Variants in ZSCAN4 observed in about 807,000 individuals in gnomAD.
ZSCAN4 encodes the protein zinc finger and SCAN domain containing 4.
A neutral mutation model predicts 18.3 loss-of-function variants in ZSCAN4; 18 were observed. The ratio of observed to expected loss-of-function variants is 0.98; its 90% CI spans 0.68 to 1.46. ZSCAN4 has a LOEUF of 1.46. ZSCAN4 is among the 40% of genes most tolerant of loss of function. The pLI is 0.00. For missense variants in ZSCAN4, 498 were observed against 511.4 expected, an observed-to-expected ratio of 0.97 and a Z score of 0.25; for synonymous variants, 193 against 180.3, an observed-to-expected ratio of 1.07 and a Z score of -0.57.
the ZSCAN4 span, among the ~76,000 whole-genome samples, chr19:57,663,925 G>A: frequency 6.6e-6 from 1 of 152,044 alleles, no homozygotes; most frequent in Non-Finnish European, 1.5e-5. Context: ...TCAAGAGTTC[G>A]AGACCAGCCT....
the ZSCAN4 span, among the ~76,000 whole-genome samples, chr19:57,663,255 C>CAAA: frequency 6.9e-3 from 1,027 of 147,952 alleles, 12 homozygotes; most frequent in African/African-American, 0.022. Context: ...AGACCTGAGG[C>CAAA]AAAAAAAAAT....
chr19:57,655,486 T>C, the ZSCAN4 span, among the ~76,000 whole-genome samples: 30 of 152,126 alleles, frequency 2.0e-4, no homozygotes, highest in Non-Finnish European at 3.4e-4. Context: ...AACTCAGTCA[T>C]CTAAGGTTGG....
At chr19:57,653,840 T>C in the ZSCAN4 span, among the ~76,000 whole-genome samples, 1 of 152,110 alleles carries the variant, frequency 6.6e-6, no homozygotes, top group African/African-American at 2.4e-5. Context: ...CCATCTGTGG[T>C]ATCAAGGGAC....
the ZSCAN4 span, among the ~76,000 whole-genome samples, chr19:57,659,498 G>A: frequency 1.3e-5 from 2 of 152,144 alleles, no homozygotes; most frequent in Non-Finnish European, 2.9e-5. Flanking sequence ...TGGGTTCAAA[G>A]GATCCTCCTG....
the ZSCAN4 span, among the ~76,000 whole-genome samples, chr19:57,651,495 C>A: frequency 6.6e-6 from 1 of 152,138 alleles, no homozygotes; most frequent in Non-Finnish European, 1.5e-5. Context: ...CAAGCCCAGA[C>A]CTCTCCCGCC....
the ZSCAN4 span, among the ~76,000 whole-genome samples, chr19:57,651,579 T>C: frequency 2.6e-5 from 4 of 152,224 alleles, no homozygotes; most frequent in Non-Finnish European, 5.9e-5. Flanking sequence ...CTACAGGCCT[T>C]TGTTCAATAA....
the ZSCAN4 span, among the ~76,000 whole-genome samples, chr19:57,654,894 C>A: frequency 6.6e-6 from 1 of 152,076 alleles, no homozygotes; most frequent in African/African-American, 2.4e-5. Context: ...CAGGCCCTCA[C>A]CAGGGACCTG....
At chr19:57,674,762 T>G (rs1984125331) in intron 2 of ZSCAN4, among the ~76,000 whole-genome samples, 1 of 152,168 alleles carries the variant, frequency 6.6e-6, no homozygotes, top group Non-Finnish European at 1.5e-5. Context: ...GTTAACTGAT[T>G]TGCATCCCCA....
chr19:57,657,285 C>T, the ZSCAN4 span, among the ~76,000 whole-genome samples: 32 of 148,056 alleles, frequency 2.2e-4, no homozygotes, highest in Non-Finnish European at 4.7e-4. Flanking sequence ...CAGAGCTAGA[C>T]TCCATGTCAA....
chr19:57,677,827 G>A, intron 3 of ZSCAN4, 87 bp from the exon 4 acceptor site: 1 of 1,309,718 alleles, frequency 7.6e-7, no homozygotes, highest in Non-Finnish European at 1.0e-6. Flanking sequence ...GAGGGAGCTT[G>A]TGAGAGCCTG....
rs1344316995 is a variant in ZSCAN4 at position 57,678,554 on chromosome 19, C to A, written c.951C>A (p.Cys317Ter). Residue 317 changes from cysteine (C) to a stop codon, truncating the protein, a stop_gained, in exon 5 of 5, where the codon TGC (cysteine) becomes TGA (stop). Coordinates refer to ENST00000318203, the Ensembl canonical transcript of ZSCAN4. LOFTEE classifies it low-confidence loss of function (END_TRUNC). ...AAAAATCATACAAATGTGAAGAATG[C>A]CCCAAGGTCTTTAAGTATCTCTGTC... is the stretch of plus-strand genomic sequence containing the variant. The A allele has an allele frequency of 6.2e-7, 1 of 1,614,052 alleles. No homozygotes were observed. The highest frequency in any genetic ancestry group is 1.7e-5 in the Admixed American group (1 of 60,008).
Position 57,678,445 on chromosome 19 carries a change from C to T in ZSCAN4, c.842C>T (p.Ser281Phe), listed in dbSNP as rs752305920. Reference sequence around the variant, plus strand: ...GGGTGTATCTCTCAACCAGAGCAGTCCTCCCCTGAGTCTGCCCTTACCCAC... The same window carrying T: ...GGGTGTATCTCTCAACCAGAGCAGTTCTCCCCTGAGTCTGCCCTTACCCAC... Residue 281 changes from serine to phenylalanine, a missense_variant, in exon 5 of 5, where the codon TCC (serine) becomes TTC (phenylalanine). Coordinates refer to ENST00000318203, the Ensembl canonical transcript of ZSCAN4. 2.5e-6 allele frequency: 4 copies of T among 1,614,012 alleles called. No individual in the cohort carries two copies. In the South Asian group the frequency reaches 4.4e-5, roughly 18 times the overall value.
chr19:57,655,340 G>GC, the ZSCAN4 span, among the ~76,000 whole-genome samples: 1 of 152,014 alleles, frequency 6.6e-6, no homozygotes, highest in Non-Finnish European at 1.5e-5. Context: ...TTTCAATGTC[G>GC]CCAGCACTGG....
the ZSCAN4 span, among the ~76,000 whole-genome samples, chr19:57,660,260 G>A: frequency 1.3e-5 from 2 of 152,218 alleles, no homozygotes; most frequent in Non-Finnish European, 2.9e-5. Flanking sequence ...ATAGCAGGAA[G>A]GTCATTTGCT....
chr19:57,676,825 A>C (rs2122308286), intron 3 of ZSCAN4, among the ~76,000 whole-genome samples: 1 of 152,296 alleles, frequency 6.6e-6, no homozygotes, highest in African/African-American at 2.4e-5. Flanking sequence ...GACTCTGAGA[A>C]ATTGACTTTT....
intron 2 of ZSCAN4, among the ~76,000 whole-genome samples, chr19:57,675,508 C>G (rs764935828): frequency 2.6e-5 from 4 of 152,192 alleles, no homozygotes; most frequent in Non-Finnish European, 4.4e-5. Flanking sequence ...TCTCGAACTC[C>G]TGACCTCAAG....
chr19:57,669,546 C>T (rs1983954116), intron 1 of ZSCAN4, among the ~76,000 whole-genome samples: 1 of 152,120 alleles, frequency 6.6e-6, no homozygotes, highest in Non-Finnish European at 1.5e-5. Flanking sequence ...TTCTGCTCAG[C>T]CTCCTGAATA....
chr19:57,656,478 A>G, the ZSCAN4 span, among the ~76,000 whole-genome samples: 1 of 152,290 alleles, frequency 6.6e-6, no homozygotes, highest in Non-Finnish European at 1.5e-5. Context: ...AAAAACTTAC[A>G]CACACTCCAC....
At chr19:57,668,666 C>T (rs759405295), upstream of ZSCAN4, among the ~76,000 whole-genome samples, 2 of 152,190 alleles carry the variant, frequency 1.3e-5, no homozygotes, top group South Asian at 2.1e-4. Flanking sequence ...GAAGAAGGCA[C>T]AGCTTCCACC....
Sources: gnomAD v4.1 joint callset for allele counts (sites outside exome capture counted in the v4.1 genomes callset) on GRCh38, gnomAD v4.1.1 for gene constraint, MANE v1.5 for transcripts, NCBI Gene and HGNC (gene_info 2026-07-23, HGNC 2026-07-21) for gene names.